ZNF490: variants seen among roughly 807,000 people sequenced by gnomAD.
ZNF490 encodes zinc finger protein 490.
ZNF490 carries 11 observed loss-of-function variants against 17.7 expected under a neutral mutation model. The observed-to-expected ratio is 0.62, with a 90% confidence interval of 0.39 to 1.03. ZNF490 has a LOEUF of 1.03. ZNF490 is among the 50% of genes least tolerant of loss of function. The probability of loss-of-function intolerance (pLI) is 0.00; values close to 1 mark genes in which losing one functional copy is unlikely to be tolerated. For synonymous variants in ZNF490, 222 were observed against 216.1 expected, an observed-to-expected ratio of 1.03 and a Z score of -0.24; for missense variants, 542 against 643.4, an observed-to-expected ratio of 0.84 and a Z score of 1.71.
chr19:12,610,141 A>AG (rs142792571), intron 1 of ZNF490, among the ~76,000 whole-genome samples: 5,315 of 151,884 alleles, frequency 0.035, 337 homozygotes, highest in African/African-American at 0.12. Flanking sequence ...TGCCCAGGTT[A>AG]GGGTTGCAAT....
intron 2 of ZNF490, among the ~76,000 whole-genome samples, chr19:12,588,966 G>A (rs78268908): frequency 0.013 from 2,040 of 152,216 alleles, 26 homozygotes; most frequent in East Asian, 0.025. Context: ...AAATGTAGAC[G>A]ATTGAACACA....
rs778812676 is a variant in ZNF490, at chr19:12,602,079, T to TATACACACACACAC, written c.162+7078_162+7079insGTGTGTGTGTGTAT. Among the ~76,000 whole-genome samples, 11 of 68,596 alleles carry TATACACACACACAC rather than the reference T, an allele frequency of 1.6e-4. 1 individual carries two copies. In the South Asian group the frequency reaches 2.2e-3, roughly 13 times the overall value. 45.0% of individuals were successfully genotyped at this position (68,596 alleles called of 152,430 possible). A position where few individuals can be genotyped will look rare whatever the true frequency, so the allele number is the denominator to read the frequency against. On this transcript the variant is annotated intron_variant, in intron 2 of 4. Transcript: ENST00000311437. ...CGTTTTTGAAACTCAGTTCACTATA[T>TATACACACACACAC]ACACACACACACACACACACACACA... is the stretch of plus-strand genomic sequence containing the variant.
intron 2 of ZNF490, among the ~76,000 whole-genome samples, chr19:12,597,766 A>G (rs1045655151): frequency 4.6e-5 from 7 of 152,104 alleles, no homozygotes; most frequent in African/African-American, 2.4e-5. Context: ...ATGTTGTAGC[A>G]TGTGTCAGAA....
intron 2 of ZNF490, among the ~76,000 whole-genome samples, chr19:12,600,363 C>T (rs1217967742): frequency 6.7e-6 from 1 of 149,304 alleles, no homozygotes; most frequent in Non-Finnish European, 1.5e-5. Flanking sequence ...GAGACTCTGT[C>T]TCAAAAAAAA....
In ZNF490 at chr19:12,578,088, G is replaced by C; in HGVS notation, c.*2397C>G. 1.0e-6 allele frequency: 1 copy of C among 985,412 alleles called. No individual in the cohort carries two copies. The highest frequency in any genetic ancestry group is 1.2e-6 in the Non-Finnish European group (1 of 829,972). 61.0% of individuals were successfully genotyped at this position (985,412 alleles called of 1,614,324 possible). A position where few individuals can be genotyped will look rare whatever the true frequency, so the allele number is the denominator to read the frequency against. Reference sequence around the variant, plus strand: ...AACAGAGCTGGAGCGCTGCAGGGTGGGTCCTTTTCCAAGAAGAGCTAAGTG... The same window carrying C: ...AACAGAGCTGGAGCGCTGCAGGGTGCGTCCTTTTCCAAGAAGAGCTAAGTG... On this transcript the variant is annotated 3_prime_UTR_variant, in exon 5 of 5. Transcript: ENST00000311437.
intron 2 of ZNF490, among the ~76,000 whole-genome samples, chr19:12,594,195 G>A (rs1449924469): frequency 3.3e-5 from 5 of 152,190 alleles, no homozygotes; most frequent in Admixed American, 1.3e-4. Flanking sequence ...GCCAGGAATG[G>A]TGGCTCATGC....
Position 12,607,014 on chromosome 19 carries a change from CAA to C in ZNF490, c.162+2142_162+2143del, listed in dbSNP as rs777955302. The stretch of plus-strand genomic sequence containing the variant: ...TGAAAAAAGTTAAGTATGGAGAGCA[CAA>C]AGTCTTGTCTAAACTCATATGGCTC... On this transcript the variant is annotated intron_variant, in intron 2 of 4. Transcript: ENST00000311437. Among the ~76,000 whole-genome samples, 5 of 152,168 alleles carry C rather than the reference CAA, an allele frequency of 3.3e-5. No homozygotes were observed. In the East Asian group the frequency reaches 9.7e-4, roughly 29 times the overall value.
At chr19:12,590,214 C>CT (rs1264828770) in intron 2 of ZNF490, among the ~76,000 whole-genome samples, 50 of 144,672 alleles carry the variant, frequency 3.5e-4, no homozygotes, top group East Asian at 8.7e-4. Flanking sequence ...CATGCCTGGC[C>CT]TTTTTTTTTT....
chr19:12,578,892 T>G lies in ZNF490; in HGVS notation c.*1593A>C. The stretch of plus-strand genomic sequence containing the variant: ...TCTCGACAATGGTTGCAGATGTCAT[T>G]GAAGATGTTCCCATATTGCTTACAT... On this transcript the variant is annotated 3_prime_UTR_variant, in exon 5 of 5. Transcript: ENST00000311437. 6 of 985,430 alleles carry G rather than the reference T, an allele frequency of 6.1e-6. No individual in the cohort carries two copies. Among genetic ancestry groups the G allele is most frequent in the Non-Finnish European group, 7.2e-6 (6 of 829,936 alleles). 61.0% of individuals were successfully genotyped at this position (985,430 alleles called of 1,614,324 possible). A position where few individuals can be genotyped will look rare whatever the true frequency, so the allele number is the denominator to read the frequency against.
chr19:12,606,643 C>T lies in ZNF490; in HGVS notation c.162+2515G>A, dbSNP rs530649976. 6.6e-5 allele frequency among the ~76,000 whole-genome samples: 10 copies of T among 151,960 alleles called. No homozygotes were observed. In the South Asian group the frequency reaches 1.2e-3, roughly 19 times the overall value. On this transcript the variant is annotated intron_variant, in intron 2 of 4. Coordinates refer to ENST00000311437, the MANE Select transcript of ZNF490 (RefSeq NM_020714.3). ...TACAGGTGTGAGCCACTGCACCTGGCCAATTTTTTTTATTTTTATAGAGAC... is the reference window on the plus strand; with the variant it reads ...TACAGGTGTGAGCCACTGCACCTGGTCAATTTTTTTTATTTTTATAGAGAC...
intron 1 of ZNF490, chr19:12,609,745 C>A: frequency 3.4e-6 from 1 of 290,510 alleles, no homozygotes; most frequent in South Asian, 2.9e-5. Context: ...AAGTCAAAAA[C>A]TGCATCTTCT....
Position 12,580,535 on chromosome 19 carries a change from A to C in ZNF490, c.1540T>G (p.Ser514Ala), listed in dbSNP as rs2022715438. Residue 514 changes from serine (S) to alanine (A), a missense_variant, in exon 5 of 5, where the codon TCA becomes GCA. By Grantham distance (99) the Ser-to-Ala change is moderately conservative. Transcript: ENST00000311437. ...CRQCGKAFSY[S>A]KSLHVHERTH... is the part of the protein sequence containing the mutation. ...CTTTCGTGCACGTGCAAAGACTTTGAGTAACTGAAGGCTTTACCACATTGT... is the reference window on the plus strand; with the variant it reads ...CTTTCGTGCACGTGCAAAGACTTTGCGTAACTGAAGGCTTTACCACATTGT... 1 of 1,612,554 alleles carries C rather than the reference A, an allele frequency of 6.2e-7. No individual in the cohort carries two copies. The highest frequency in any genetic ancestry group is 1.3e-5 in the African/African-American group (1 of 74,842).
chr19:12,610,413 G>T, intron 1 of ZNF490, 151 bp downstream of exon 1: 1 of 682,790 alleles, frequency 1.5e-6, no homozygotes, highest in Non-Finnish European at 2.5e-6. Context: ...TGGAGGTGGG[G>T]AAAAGAAAGG....
At chr19:12,583,807 ATATATTTT>A (rs1378631701) in intron 2 of ZNF490, among the ~76,000 whole-genome samples, 17 of 112,410 alleles carry the variant, frequency 1.5e-4, no homozygotes, top group East Asian at 2.4e-4. Flanking sequence ...ATATATATAT[ATATATTTT>A]TTTTTTTTTT....
intron 2 of ZNF490, among the ~76,000 whole-genome samples, chr19:12,594,602 A>G (rs2022911859): frequency 6.6e-6 from 1 of 152,178 alleles, no homozygotes; most frequent in Non-Finnish European, 1.5e-5. Flanking sequence ...ATGATGACCA[A>G]TTTGCAAGTC....
At chr19:12,595,819 AG>A (rs1417604258) in intron 2 of ZNF490, among the ~76,000 whole-genome samples, 1 of 152,142 alleles carries the variant, frequency 6.6e-6, no homozygotes, top group African/African-American at 2.4e-5. Flanking sequence ...GTGTGTTGGC[AG>A]GTGACTGTAA....
At chr19:12,602,083 C>T (rs12459724) in intron 2 of ZNF490, among the ~76,000 whole-genome samples, 17,589 of 120,272 alleles carry the variant, frequency 0.15, 1,223 homozygotes, top group African/African-American at 0.23. Flanking sequence ...ACTATATACA[C>T]ACACACACAC....
chr19:12,584,377 T>C lies in ZNF490; in HGVS notation c.163-821A>G, dbSNP rs537791822. ...TTCACCATGTTAGCCAGGATGGTCT[T>C]GATCTCCTGACCTCGTGAATCGCCC... On this transcript the variant is annotated intron_variant, in intron 2 of 4. Transcript: ENST00000311437. Among the ~76,000 whole-genome samples, 292 of 79,416 alleles carry C rather than the reference T, an allele frequency of 3.7e-3. 76 individuals are homozygous for C. Among genetic ancestry groups the C allele is most frequent in the Middle Eastern group, 8.6e-3 (1 of 116 alleles). 52.1% of individuals were successfully genotyped at this position (79,416 alleles called of 152,430 possible). A position where few individuals can be genotyped will look rare whatever the true frequency, so the allele number is the denominator to read the frequency against.
Position 12,596,418 on chromosome 19 carries a change from G to A in ZNF490, c.162+12740C>T, listed in dbSNP as rs73497792. 6.2e-3 allele frequency among the ~76,000 whole-genome samples: 944 copies of A among 152,192 alleles called. 7 individuals are homozygous for A. The highest frequency in any genetic ancestry group is 0.021 in the African/African-American group (858 of 41,516). ...ATTCACAAGGGCCAGGCATGGTCACGCCTATAATACCAACATTTTGGGAGG... is the reference window on the plus strand; with the variant it reads ...ATTCACAAGGGCCAGGCATGGTCACACCTATAATACCAACATTTTGGGAGG... On this transcript the variant is annotated intron_variant, in intron 2 of 4. Coordinates refer to ENST00000311437, the MANE Select transcript of ZNF490 (RefSeq NM_020714.3).
Sources: gnomAD v4.1 joint callset for allele counts (sites outside exome capture counted in the v4.1 genomes callset) on GRCh38, gnomAD v4.1.1 for gene constraint, MANE v1.5 for transcripts, NCBI Gene and HGNC (gene_info 2026-07-23, HGNC 2026-07-21) for gene names.